ERBB4: variants seen among roughly 807,000 people sequenced by gnomAD.
The protein encoded by ERBB4 is receptor tyrosine-protein kinase erbB-4.
In ERBB4, 42 loss-of-function variants were observed where a neutral mutation model predicts 158.0. The ratio of observed to expected loss-of-function variants is 0.27; its 90% CI spans 0.21 to 0.34. ERBB4 has a LOEUF of 0.34. Among genes scored for constraint, ERBB4 ranks in the 10% least tolerant of loss-of-function variants. ERBB4 has a pLI of 1.00. For missense variants in ERBB4, 1,333 were observed against 1,624.1 expected, an observed-to-expected ratio of 0.82 and a Z score of 3.08; for synonymous variants, 583 against 558.7, an observed-to-expected ratio of 1.04 and a Z score of -0.61.
chr2:212,450,458 G>A (rs756675963), intron 1 of ERBB4, among the ~76,000 whole-genome samples: 1 of 152,150 alleles, frequency 6.6e-6, no homozygotes, highest in Non-Finnish European at 1.5e-5. Context: ...GCATACTGGA[G>A]TGATGAGATT....
At chr2:211,460,247 CTTTTT>C (rs923188079) in intron 20 of ERBB4, among the ~76,000 whole-genome samples, 1 of 151,820 alleles carries the variant, frequency 6.6e-6, no homozygotes, top group Non-Finnish European at 1.5e-5. Flanking sequence ...AAGTCAAATG[CTTTTT>C]TTTATGATTG....
intron 20 of ERBB4, among the ~76,000 whole-genome samples, chr2:211,485,631 T>C (rs2065183804): frequency 6.7e-6 from 1 of 150,286 alleles, no homozygotes; most frequent in African/African-American, 2.4e-5. Context: ...TCTTGTCTCC[T>C]AATTCAAACA....
chr2:212,378,952 C>A (rs966114182), intron 1 of ERBB4, among the ~76,000 whole-genome samples: 2 of 151,680 alleles, frequency 1.3e-5, no homozygotes, highest in Non-Finnish European at 2.9e-5. Flanking sequence ...TAATATTCAT[C>A]GTATGGCACC....
chr2:211,788,125 G>A lies in ERBB4; in HGVS notation c.456C>T (p.Asn152=), dbSNP rs1446803484. 6.2e-7 allele frequency: 1 copy of A among 1,612,486 alleles called. No homozygotes were observed. The highest frequency in any genetic ancestry group is 2.2e-5 in the East Asian group (1 of 44,806). The change falls in exon 4 of 28, where the codon AAC becomes AAT. Residue 152 remains asparagine (N), a synonymous_variant. Coordinates refer to ENST00000342788, the MANE Select transcript of ERBB4 (RefSeq NM_005235.3). ...TGGTGTCTGCATAACAAAGGAATTT[G>A]TTCTGGTCTACATAGACTCCACCAT... ...ILNGGVYVDQ[N]KFLCYADTIH...
intron 5 of ERBB4, among the ~76,000 whole-genome samples, chr2:211,743,896 CTG>C (rs1170259297): frequency 6.6e-6 from 1 of 152,126 alleles, no homozygotes; most frequent in Non-Finnish European, 1.5e-5. Context: ...CTTTGCAACT[CTG>C]TGAGAAATTT....
intron 1 of ERBB4, among the ~76,000 whole-genome samples, chr2:212,523,798 G>C (rs1027361853): frequency 3.3e-5 from 5 of 151,964 alleles, no homozygotes; most frequent in Non-Finnish European, 7.4e-5. Context: ...TTCCTCAGCT[G>C]CCTCACTCAT....
At chr2:212,136,869 A>T (rs1453816481) in intron 1 of ERBB4, among the ~76,000 whole-genome samples, 1 of 152,204 alleles carries the variant, frequency 6.6e-6, no homozygotes, top group African/African-American at 2.4e-5. Flanking sequence ...TGATTTACAT[A>T]TAAAGCCTAA....
At chr2:211,885,315 T>A (rs1431338915) in intron 3 of ERBB4, among the ~76,000 whole-genome samples, 2 of 151,932 alleles carry the variant, frequency 1.3e-5, no homozygotes. Context: ...AATAAATGAA[T>A]CTCTAAAGCT....
chr2:211,894,468 G>A (rs2079050238), intron 3 of ERBB4, among the ~76,000 whole-genome samples: 2 of 147,576 alleles, frequency 1.4e-5, no homozygotes, highest in Admixed American at 6.8e-5. Context: ...GCTAGATGAC[G>A]AGTTAGTGGG....
chr2:211,531,726 A>G (rs2066504591), intron 20 of ERBB4, among the ~76,000 whole-genome samples: 1 of 152,108 alleles, frequency 6.6e-6, no homozygotes, highest in Non-Finnish European at 1.5e-5. Context: ...GTAAATTAGT[A>G]CAACCACTAT....
intron 4 of ERBB4, among the ~76,000 whole-genome samples, chr2:211,776,377 T>A (rs2106286452): frequency 6.6e-6 from 1 of 152,290 alleles, no homozygotes; most frequent in East Asian, 1.9e-4. Flanking sequence ...TACTAAAGAT[T>A]TATCACTGCT....
intron 3 of ERBB4, among the ~76,000 whole-genome samples, chr2:211,840,969 C>A (rs2077457252): frequency 6.6e-6 from 1 of 151,892 alleles, no homozygotes; most frequent in Non-Finnish European, 1.5e-5. Context: ...TGTATTTTTT[C>A]TACATTCCCT....
At chr2:211,838,157 A>G (rs2105990395) in intron 3 of ERBB4, among the ~76,000 whole-genome samples, 1 of 152,154 alleles carries the variant, frequency 6.6e-6, no homozygotes, top group African/African-American at 2.4e-5. Context: ...CTTTCCATGT[A>G]TTGCAACTTT....
chr2:211,731,169 C>T (rs2074415500), intron 5 of ERBB4, among the ~76,000 whole-genome samples: 1 of 152,130 alleles, frequency 6.6e-6, no homozygotes, highest in Non-Finnish European at 1.5e-5. Flanking sequence ...CCTTCTCTCA[C>T]CCAGCAGCTG....
At chr2:212,506,959 G>T (rs1691227341) in intron 1 of ERBB4, among the ~76,000 whole-genome samples, 1 of 152,178 alleles carries the variant, frequency 6.6e-6, no homozygotes, top group East Asian at 1.9e-4. Flanking sequence ...TTCATAGAAA[G>T]AAGTCAATGC....
intron 1 of ERBB4, among the ~76,000 whole-genome samples, chr2:212,324,489 T>G (rs1221351304): frequency 1.3e-5 from 2 of 149,646 alleles, no homozygotes; most frequent in Non-Finnish European, 3.0e-5. Flanking sequence ...GTTTTTGTTT[T>G]TTTTTCCTTT....
At chr2:212,259,875 G>A (rs2106081158) in intron 1 of ERBB4, among the ~76,000 whole-genome samples, 1 of 152,114 alleles carries the variant, frequency 6.6e-6, no homozygotes, top group East Asian at 1.9e-4. Flanking sequence ...TTAGACCCCA[G>A]CCTGGCTAAC....
intron 2 of ERBB4, among the ~76,000 whole-genome samples, chr2:212,064,080 A>G (rs1299209353): frequency 6.6e-6 from 1 of 152,186 alleles, no homozygotes; most frequent in Non-Finnish European, 1.5e-5. Context: ...GAAGGTCAAA[A>G]GAATCTTTCC....
At position 212,095,257 on chromosome 2, in the gene ERBB4, A is replaced by T. The variant is rs1559487406; in HGVS notation, c.234+29495T>A. 3.3e-5 allele frequency among the ~76,000 whole-genome samples: 5 copies of T among 152,314 alleles called. No individual in the cohort carries two copies. In the South Asian group the frequency reaches 8.3e-4, roughly 25 times the overall value. On this transcript the variant is annotated intron_variant, in intron 2 of 27. Transcript: ENST00000342788. The stretch of plus-strand genomic sequence containing the variant: ...CCAGAGGCATGCAGTTATCAAAACA[A>T]CTTTTGTGTGTTATTCCCCCACTTA...
Sources: allele counts gnomAD v4.1 joint callset (sites outside exome capture counted in the v4.1 genomes callset), GRCh38; gene constraint gnomAD v4.1.1; transcripts MANE v1.5; gene names NCBI Gene and HGNC (gene_info 2026-07-23, HGNC 2026-07-21).